SPOCK3: variants seen among roughly 807,000 people sequenced by gnomAD.
SPOCK3 encodes the protein testican-3.
A neutral mutation model predicts 56.6 loss-of-function variants in SPOCK3; 30 were observed. That is an observed-to-expected ratio of 0.53 (90% CI 0.40 to 0.72). The LOEUF (loss-of-function observed/expected upper bound fraction) is 0.72. Ranked by LOEUF, SPOCK3 falls within the 30% of genes least tolerant of loss-of-function variation. SPOCK3 has a pLI of 0.00. For missense variants in SPOCK3, 527 were observed against 530.0 expected (o/e 0.99, Z 0.06); for synonymous variants, 196 against 183.3 (o/e 1.07, Z -0.56).
At chr4:166,999,331 AC>A (rs1354892589) in intron 4 of SPOCK3, among the ~76,000 whole-genome samples, 4 of 152,176 alleles carry the variant, frequency 2.6e-5, no homozygotes, top group African/African-American at 7.2e-5. Context: ...TTTGGCATGT[AC>A]AACAGGGTGT....
At chr4:167,174,108 T>C (rs1445907907) in intron 2 of SPOCK3, among the ~76,000 whole-genome samples, 1 of 152,172 alleles carries the variant, frequency 6.6e-6, no homozygotes, top group Non-Finnish European at 1.5e-5. Context: ...ATTCCTTACT[T>C]ATTTATGCAA....
intron 4 of SPOCK3, among the ~76,000 whole-genome samples, chr4:166,947,973 A>G (rs990911470): frequency 6.6e-6 from 1 of 152,076 alleles, no homozygotes; most frequent in Non-Finnish European, 1.5e-5. Flanking sequence ...ATTTCTCCCA[A>G]CTAACTGTAA....
chr4:166,991,401 CCT>C (rs1283647150), intron 4 of SPOCK3, among the ~76,000 whole-genome samples: 2 of 148,764 alleles, frequency 1.3e-5, no homozygotes, highest in Non-Finnish European at 3.0e-5. Context: ...ACAGAGTTTC[CCT>C]CTGTCACCCA....
chr4:166,822,629 G>A (rs985647400), intron 6 of SPOCK3, among the ~76,000 whole-genome samples: 5 of 151,992 alleles, frequency 3.3e-5, no homozygotes, highest in South Asian at 2.1e-4. Context: ...ATTGCACTCC[G>A]TACACTCCAA....
intron 2 of SPOCK3, among the ~76,000 whole-genome samples, chr4:167,211,489 C>T (rs563912907): frequency 1.3e-5 from 2 of 152,134 alleles, no homozygotes; most frequent in African/African-American, 4.8e-5. Flanking sequence ...TAAATCTCAT[C>T]TTGAATTCCC....
At chr4:166,747,737 C>T (rs969055081) in intron 8 of SPOCK3, among the ~76,000 whole-genome samples, 9 of 151,992 alleles carry the variant, frequency 5.9e-5, no homozygotes, top group African/African-American at 1.9e-4. Context: ...TAGAAAACCC[C>T]ACTGTCTCAG....
chr4:167,019,399 G>A (rs535133875), intron 3 of SPOCK3, among the ~76,000 whole-genome samples: 47 of 151,768 alleles, frequency 3.1e-4, no homozygotes, highest in South Asian at 2.5e-3. Context: ...TTCCACTTAC[G>A]TATGATATAT....
At chr4:167,156,435 C>T (rs1040111750) in intron 2 of SPOCK3, among the ~76,000 whole-genome samples, 2 of 152,236 alleles carry the variant, frequency 1.3e-5, no homozygotes, top group Admixed American at 1.3e-4. Flanking sequence ...ACATGCAAAA[C>T]TTAATCTATC....
chr4:166,902,227 T>C (rs951164814), intron 5 of SPOCK3, among the ~76,000 whole-genome samples: 1 of 152,178 alleles, frequency 6.6e-6, no homozygotes, highest in Non-Finnish European at 1.5e-5. Context: ...ATGCTTTTTG[T>C]TGGTATAATG....
At chr4:166,765,662 C>A (rs543285243) in intron 7 of SPOCK3, among the ~76,000 whole-genome samples, 6 of 152,174 alleles carry the variant, frequency 3.9e-5, no homozygotes, top group African/African-American at 1.4e-4. Flanking sequence ...ATTGTTTTGG[C>A]AATGTGGGCT....
Position 166,970,299 on chromosome 4 carries a change from A to T in SPOCK3, c.350+30050T>A, listed in dbSNP as rs146857144. On this transcript the variant is annotated intron_variant, in intron 4 of 10. Coordinates refer to ENST00000357545, the MANE Select transcript of SPOCK3 (RefSeq NM_001040159.2). ...GACTTACACTAGCTCCTTACCTATA[A>T]TGTTCAGATTTGGGACTTTATTATG... Among the ~76,000 whole-genome samples, 318 of 152,228 alleles carry T rather than the reference A, an allele frequency of 2.1e-3. 4 individuals are homozygous for T. The highest frequency in any genetic ancestry group is 7.3e-3 in the African/African-American group (303 of 41,562).
intron 4 of SPOCK3, among the ~76,000 whole-genome samples, chr4:166,970,862 T>A (rs1745304864): frequency 6.6e-6 from 1 of 152,170 alleles, no homozygotes; most frequent in African/African-American, 2.4e-5. Flanking sequence ...CAACTCCAAC[T>A]ACAGTCATAT....
At chr4:166,880,502 A>G (rs1474942768) in intron 6 of SPOCK3, among the ~76,000 whole-genome samples, 2 of 152,178 alleles carry the variant, frequency 1.3e-5, no homozygotes, top group Non-Finnish European at 2.9e-5. Context: ...CGTTTACTTT[A>G]GAAGAACCCA....
chr4:167,164,969 T>G (rs1373563153), intron 2 of SPOCK3, among the ~76,000 whole-genome samples: 1 of 152,168 alleles, frequency 6.6e-6, no homozygotes, highest in Non-Finnish European at 1.5e-5. Context: ...ATGGGAATGC[T>G]GGGTCAAATG....
intron 2 of SPOCK3, among the ~76,000 whole-genome samples, chr4:167,105,532 A>C (rs1434583402): frequency 1.3e-5 from 2 of 150,512 alleles, no homozygotes; most frequent in Non-Finnish European, 3.0e-5. Flanking sequence ...GATAGGAAGG[A>C]AGAAACCAAG....
At chr4:166,774,977 T>C (rs1328855282) in intron 7 of SPOCK3, among the ~76,000 whole-genome samples, 1 of 152,232 alleles carries the variant, frequency 6.6e-6, no homozygotes, top group Non-Finnish European at 1.5e-5. Flanking sequence ...CCTAGACTAC[T>C]GTGTGGCTGA....
intron 9 of SPOCK3, among the ~76,000 whole-genome samples, chr4:166,741,535 CTT>C (rs1734844473): frequency 6.6e-6 from 1 of 152,060 alleles, no homozygotes; most frequent in Non-Finnish European, 1.5e-5. Context: ...TATACATTTA[CTT>C]ATTAAAAGAA....
At chr4:166,766,117 A>G (rs1451969117) in intron 7 of SPOCK3, among the ~76,000 whole-genome samples, 1 of 152,168 alleles carries the variant, frequency 6.6e-6, no homozygotes, top group Non-Finnish European at 1.5e-5. Flanking sequence ...TAAATATACA[A>G]TCATGTCATC....
chr4:166,914,013 A>C (rs2127104438), intron 4 of SPOCK3, among the ~76,000 whole-genome samples: 1 of 152,238 alleles, frequency 6.6e-6, no homozygotes, highest in Middle Eastern at 3.4e-3. Flanking sequence ...AACGTGGGCT[A>C]TTCTGTAACA....
Sources: gnomAD v4.1 joint callset for allele counts (sites outside exome capture counted in the v4.1 genomes callset) on GRCh38, gnomAD v4.1.1 for gene constraint, MANE v1.5 for transcripts, NCBI Gene and HGNC (gene_info 2026-07-23, HGNC 2026-07-21) for gene names.